The following XKR6 variants were observed in gnomAD, a reference collection of about 807,000 sequenced individuals.
XKR6 encodes XK-related protein 6.
In XKR6, 22 loss-of-function variants were observed where a neutral mutation model predicts 56.7. The observed-to-expected ratio is 0.39, with a 90% CI of 0.28 to 0.55. XKR6 has a LOEUF of 0.55. XKR6 is among the 20% of genes least tolerant of loss of function. The pLI is 0.66. For missense variants in XKR6, 852 were observed against 889.0 expected (o/e 0.96, Z 0.53); for synonymous variants, 524 against 387.8 (o/e 1.35, Z -4.13).
chr8:10,957,729 G>C (rs541706113), intron 1 of XKR6, among the ~76,000 whole-genome samples: 1 of 152,224 alleles, frequency 6.6e-6, no homozygotes, highest in African/African-American at 2.4e-5. Flanking sequence ...GCTCACCAAT[G>C]GGGGACCTCT....
At chr8:11,030,712 T>G (rs1023921304) in intron 1 of XKR6, among the ~76,000 whole-genome samples, 8 of 152,042 alleles carry the variant, frequency 5.3e-5, no homozygotes, top group African/African-American at 1.4e-4. Context: ...AGCATCCCCC[T>G]AATGGGCGGT....
rs962727873 is a variant in XKR6, at chr8:11,040,203, C to T, written c.765-115373G>A. The stretch of plus-strand genomic sequence containing the variant: ...CTTTCCACTCCTGCAGGAACAGGAC[C>T]CTTCCTGCCCAAGGCTCCGGCCCTG... On this transcript the variant is annotated intron_variant, in intron 1 of 2. Transcript: ENST00000416569. 4.6e-5 allele frequency among the ~76,000 whole-genome samples: 7 copies of T among 152,118 alleles called. No individual in the cohort carries two copies. The South Asian group carries it at 1.5e-3, about 32-fold the overall frequency.
intron 1 of XKR6, among the ~76,000 whole-genome samples, chr8:10,931,597 A>T (rs1421226141): frequency 6.6e-6 from 1 of 152,212 alleles, no homozygotes; most frequent in Non-Finnish European, 1.5e-5. Flanking sequence ...AAGAAGACCC[A>T]TATAATTATG....
chr8:11,144,541 G>A (rs572907691), intron 1 of XKR6, among the ~76,000 whole-genome samples: 3 of 152,006 alleles, frequency 2.0e-5, no homozygotes, highest in South Asian at 4.2e-4. Context: ...CTAAGAGCTC[G>A]GCTGGTAATG....
chr8:11,039,651 G>T (rs764251773), intron 1 of XKR6, among the ~76,000 whole-genome samples: 1 of 152,232 alleles, frequency 6.6e-6, no homozygotes, highest in Non-Finnish European at 1.5e-5. Context: ...GGCGGTAACA[G>T]TTCCAGCCTG....
At chr8:11,131,529 G>A (rs985618396) in intron 1 of XKR6, among the ~76,000 whole-genome samples, 4 of 152,076 alleles carry the variant, frequency 2.6e-5, no homozygotes, top group Non-Finnish European at 5.9e-5. Context: ...TGGCTTAAAA[G>A]CATAAAATTC....
intron 2 of XKR6, among the ~76,000 whole-genome samples, chr8:10,900,920 T>C (rs1384598989): frequency 1.4e-5 from 2 of 142,302 alleles, no homozygotes; most frequent in East Asian, 4.3e-4. Context: ...AGAGGCATAA[T>C]CATTGCTCAC....
chr8:11,047,136 A>T (rs1000449994), intron 1 of XKR6, among the ~76,000 whole-genome samples: 3 of 152,206 alleles, frequency 2.0e-5, no homozygotes, highest in African/African-American at 7.2e-5. Flanking sequence ...AAGAGAATAG[A>T]TCTTAAATAT....
chr8:10,915,354 T>C (rs998660903), intron 2 of XKR6, among the ~76,000 whole-genome samples: 2 of 149,834 alleles, frequency 1.3e-5, no homozygotes, highest in Non-Finnish European at 3.0e-5. Context: ...AGAGCCCCCA[T>C]GAAGCTACCT....
At chr8:11,185,558 T>A (rs148029618) in intron 1 of XKR6, among the ~76,000 whole-genome samples, 30 of 152,346 alleles carry the variant, frequency 2.0e-4, no homozygotes, top group African/African-American at 7.2e-4. Flanking sequence ...ATCTATATAT[T>A]CAACAGATGA....
intron 1 of XKR6, among the ~76,000 whole-genome samples, chr8:11,141,276 T>C (rs759131996): frequency 1.3e-5 from 2 of 152,148 alleles, no homozygotes; most frequent in African/African-American, 2.4e-5. Context: ...ATGCACTGAA[T>C]ATGTCCCTCC....
chr8:11,049,407 G>C (rs1215594625), intron 1 of XKR6, among the ~76,000 whole-genome samples: 1 of 152,192 alleles, frequency 6.6e-6, no homozygotes, highest in Non-Finnish European at 1.5e-5. Context: ...GTGGATGCCT[G>C]ATGGAACACA....
At chr8:11,192,571 C>G (rs936662836) in intron 1 of XKR6, among the ~76,000 whole-genome samples, 1 of 152,008 alleles carries the variant, frequency 6.6e-6, no homozygotes, top group Non-Finnish European at 1.5e-5. Context: ...GCTATACTCA[C>G]GCCACTGCAC....
chr8:11,184,465 G>C (rs772435768), intron 1 of XKR6, among the ~76,000 whole-genome samples: 5 of 151,440 alleles, frequency 3.3e-5, no homozygotes, highest in Non-Finnish European at 5.9e-5. Context: ...AGCCCATTAA[G>C]AATGTCAGAA....
intron 1 of XKR6, among the ~76,000 whole-genome samples, chr8:10,957,082 C>G (rs113647828): frequency 2.6e-5 from 4 of 152,292 alleles, no homozygotes; most frequent in African/African-American, 9.6e-5. Flanking sequence ...TCCCGAGTAG[C>G]TGGGATTACA....
At chr8:10,945,837 G>C (rs2129125384) in intron 1 of XKR6, among the ~76,000 whole-genome samples, 1 of 152,234 alleles carries the variant, frequency 6.6e-6, no homozygotes, top group East Asian at 1.9e-4. Context: ...CCGAGAGCTG[G>C]GTGGTGTGCA....
intron 1 of XKR6, among the ~76,000 whole-genome samples, chr8:10,945,657 G>A (rs189242397): frequency 1.3e-5 from 2 of 152,220 alleles, no homozygotes; most frequent in East Asian, 1.9e-4. Flanking sequence ...TGGTACTTAC[G>A]GGCATTTGAT....
intron 1 of XKR6, among the ~76,000 whole-genome samples, chr8:10,938,600 G>A (rs148368525): frequency 2.0e-5 from 3 of 152,210 alleles, no homozygotes; most frequent in Non-Finnish European, 2.9e-5. Context: ...AGTCTGTCTC[G>A]ATAGTTATAT....
intron 1 of XKR6, among the ~76,000 whole-genome samples, chr8:10,928,731 G>T (rs940701988): frequency 1.3e-5 from 2 of 152,144 alleles, no homozygotes; most frequent in East Asian, 3.9e-4. Flanking sequence ...TCCGAGGGGG[G>T]AACCAAGGCA....
Sources: allele counts gnomAD v4.1 joint callset (sites outside exome capture counted in the v4.1 genomes callset), GRCh38; gene constraint gnomAD v4.1.1; transcripts MANE v1.5; gene names NCBI Gene and HGNC (gene_info 2026-07-23, HGNC 2026-07-21).